Variants in UBR3 observed in about 807,000 individuals in gnomAD.
UBR3 encodes the protein E3 ubiquitin-protein ligase UBR3.
In UBR3, 85 loss-of-function variants were observed where a neutral mutation model predicts 243.2. The ratio of observed to expected loss-of-function variants is 0.35; its 90% confidence interval spans 0.29 to 0.42. The LOEUF is 0.42. Ranked by LOEUF, UBR3 falls within the 10% of genes least tolerant of loss-of-function variation. The probability of loss-of-function intolerance (pLI) is 1.00; values close to 1 mark genes in which losing one functional copy is unlikely to be tolerated. For synonymous variants in UBR3, 748 were observed against 799.8 expected (o/e 0.94, Z 1.09); for missense variants, 1,686 against 2,300.8 (o/e 0.73, Z 5.47).
intron 5 of UBR3, among the ~76,000 whole-genome samples, chr2:169,890,525 G>GGAGAGA (rs781214598): frequency 4.4e-5 from 3 of 67,876 alleles, no homozygotes; most frequent in African/African-American, 2.0e-4. Context: ...GGTTTTTCTA[G>GGAGAGA]GAGAGAGAGA....
intron 24 of UBR3, among the ~76,000 whole-genome samples, chr2:169,974,214 A>G (rs1036006481): frequency 6.6e-5 from 10 of 151,892 alleles, no homozygotes; most frequent in African/African-American, 2.4e-4. Context: ...TTCCCTTCTT[A>G]TTTTTCTGGA....
intron 26 of UBR3, among the ~76,000 whole-genome samples, chr2:169,997,629 G>A (rs1171414328): frequency 6.6e-6 from 1 of 152,100 alleles, no homozygotes; most frequent in African/African-American, 2.4e-5. Flanking sequence ...GCCATTTGGT[G>A]GGTAGGTTCT....
At chr2:169,926,313 C>A (rs148264055) in intron 14 of UBR3, among the ~76,000 whole-genome samples, 1 of 152,162 alleles carries the variant, frequency 6.6e-6, no homozygotes, top group African/African-American at 2.4e-5. Context: ...CATAGCCAGG[C>A]GTGGTGGCTC....
chr2:169,894,641 GGGAGA>G (rs761035620), intron 6 of UBR3, among the ~76,000 whole-genome samples: 10 of 152,230 alleles, frequency 6.6e-5, no homozygotes, highest in Middle Eastern at 6.8e-3. Context: ...CCATTACCTG[GGGAGA>G]TGTGGTATGA....
chr2:169,958,441 A>G lies in UBR3; in HGVS notation c.3549A>G (p.Arg1183=). Residue 1183 remains arginine (R), a synonymous_variant, in exon 24 of 39, where the codon CGA becomes CGG. Transcript: ENST00000272793. ...EKKTLDKEER[R]QKARERQQKL... ...ACTTTATTTCTGTTTAATCTAGGCG[A>G]CAGAAGGCTAGAGAGAGGCAGCAGA... is the stretch of plus-strand genomic sequence containing the variant. 1 of 1,612,760 alleles carries G rather than the reference A, an allele frequency of 6.2e-7. No homozygotes were observed. The highest frequency in any genetic ancestry group is 2.2e-5 in the East Asian group (1 of 44,772).
At chr2:170,015,594 G>GGTTTATAGT (rs61490241) in intron 30 of UBR3, among the ~76,000 whole-genome samples, 1 of 151,740 alleles carries the variant, frequency 6.6e-6, no homozygotes, top group African/African-American at 2.4e-5. Context: ...TAAGTGACGA[G>GGTTTATAGT]GTTTCAAAAT....
intron 31 of UBR3, among the ~76,000 whole-genome samples, chr2:170,031,993 AT>A (rs770928223): frequency 2.6e-5 from 4 of 152,140 alleles, no homozygotes; most frequent in Non-Finnish European, 5.9e-5. Context: ...ATGCAAGTAC[AT>A]GTGTCTTTTT....
intron 23 of UBR3, among the ~76,000 whole-genome samples, chr2:169,951,992 T>TG (rs1553518519): frequency 6.6e-6 from 1 of 152,148 alleles, no homozygotes; most frequent in Non-Finnish European, 1.5e-5. Flanking sequence ...TTCTGGACGC[T>TG]ACTAAGTTTA....
In UBR3 at chr2:170,048,275, A is replaced by G. The variant is rs560883823; in HGVS notation, c.4661-7185A>G. On this transcript the variant is annotated intron_variant, in intron 32 of 38. Coordinates refer to ENST00000272793, the MANE Select transcript of UBR3 (RefSeq NM_172070.4). ...CACCCCTTCCCCAAAGCTGACCAGC[A>G]TCTCTGGACTAGTTTTGGCCGATTC... Among the ~76,000 whole-genome samples the G allele has an allele frequency of 2.0e-5, 3 of 152,266 alleles. No homozygotes were observed. In the East Asian group the frequency reaches 5.8e-4, roughly 29 times the overall value.
intron 24 of UBR3, among the ~76,000 whole-genome samples, chr2:169,978,016 C>CT: frequency 6.6e-6 from 1 of 152,014 alleles, no homozygotes; most frequent in Non-Finnish European, 1.5e-5. Flanking sequence ...TGTGGTGACT[C>CT]TGTTTCTGGG....
chr2:169,931,775 C>A (rs946042695), intron 18 of UBR3, among the ~76,000 whole-genome samples: 1 of 151,962 alleles, frequency 6.6e-6, no homozygotes, highest in East Asian at 1.9e-4. Flanking sequence ...AAAACCTTGC[C>A]TCTTCCTAAG....
intron 31 of UBR3, among the ~76,000 whole-genome samples, chr2:170,032,035 T>TA (rs1241570897): frequency 1.3e-5 from 2 of 152,160 alleles, no homozygotes; most frequent in African/African-American, 4.8e-5. Context: ...TTTGGATAGA[T>TA]ACCCAGTAAT....
chr2:170,037,865 G>A (rs768122443), intron 31 of UBR3, among the ~76,000 whole-genome samples: 23 of 151,814 alleles, frequency 1.5e-4, no homozygotes, highest in Admixed American at 3.9e-4. Flanking sequence ...TTAATTATGC[G>A]TTCTTAGTAG....
intron 8 of UBR3, among the ~76,000 whole-genome samples, chr2:169,900,637 G>T (rs919349394): frequency 6.6e-6 from 1 of 152,068 alleles, no homozygotes; most frequent in Non-Finnish European, 1.5e-5. Flanking sequence ...AAAAGAATCT[G>T]GAGTCTCTTT....
chr2:169,937,481 T>G (rs2086387810), intron 19 of UBR3, among the ~76,000 whole-genome samples: 3 of 152,242 alleles, frequency 2.0e-5, no homozygotes, highest in Non-Finnish European at 4.4e-5. Context: ...GATGGTAGTT[T>G]CTTTTGCAGT....
intron 31 of UBR3, among the ~76,000 whole-genome samples, chr2:170,033,148 G>A (rs372324330): frequency 6.6e-6 from 1 of 151,968 alleles, no homozygotes; most frequent in African/African-American, 2.4e-5. Context: ...TCTAAGCCTA[G>A]TATTGACTAA....
intron 1 of UBR3, among the ~76,000 whole-genome samples, chr2:169,835,336 C>A (rs1403897216): frequency 6.6e-6 from 1 of 152,062 alleles, no homozygotes; most frequent in Non-Finnish European, 1.5e-5. Context: ...TCACTGCACT[C>A]CAGCCTCAGC....
chr2:169,868,043 G>A (rs2083315732), intron 1 of UBR3, among the ~76,000 whole-genome samples: 1 of 152,006 alleles, frequency 6.6e-6, no homozygotes, highest in African/African-American at 2.4e-5. Flanking sequence ...AATATCCCTT[G>A]GTGTCATTTT....
intron 1 of UBR3, 30 bp downstream of exon 1, chr2:169,828,082 G>A: frequency 7.4e-7 from 1 of 1,353,652 alleles, no homozygotes; most frequent in East Asian, 3.1e-5. Flanking sequence ...CGGGCGAGGC[G>A]ACCCTGGGCC....
Sources: allele counts gnomAD v4.1 joint callset (sites outside exome capture counted in the v4.1 genomes callset), GRCh38; gene constraint gnomAD v4.1.1; transcripts MANE v1.5; gene names NCBI Gene and HGNC (gene_info 2026-07-23, HGNC 2026-07-21).